The following TP63 variants were observed in gnomAD, a reference collection of about 807,000 sequenced individuals.
TP63 encodes the protein tumor protein p63, also known as tumor protein 63.
In TP63, 17 loss-of-function variants were observed where a neutral mutation model predicts 82.8. The ratio of observed to expected loss-of-function variants is 0.21; its 90% CI spans 0.14 to 0.31. The LOEUF (loss-of-function observed/expected upper bound fraction) is 0.31. TP63 is among the 10% of genes least tolerant of loss of function. The probability of loss-of-function intolerance (pLI) is 1.00; values close to 1 mark genes in which losing one functional copy is unlikely to be tolerated. For synonymous variants in TP63, 330 were observed against 321.7 expected (o/e 1.03, Z -0.28); for missense variants, 648 against 895.3 (o/e 0.72, Z 3.52).
chr3:189,678,161 A>G (rs1455433248), intron 1 of TP63, among the ~76,000 whole-genome samples: 1 of 151,844 alleles, frequency 6.6e-6, no homozygotes, highest in Non-Finnish European at 1.5e-5. Context: ...GTCATAAATT[A>G]TTTGTCAAGG....
chr3:189,597,069 C>A, the TP63 span, among the ~76,000 whole-genome samples: 2 of 152,128 alleles, frequency 1.3e-5, no homozygotes, highest in Non-Finnish European at 2.9e-5. Context: ...AAACTCCAGA[C>A]GCGCCACCTT....
chr3:189,885,185 T>C (rs1325995876), intron 10 of TP63, among the ~76,000 whole-genome samples: 1 of 152,230 alleles, frequency 6.6e-6, no homozygotes, highest in Non-Finnish European at 1.5e-5. Flanking sequence ...CATAACAGAC[T>C]AGACACTTGC....
At chr3:189,892,842 A>G (rs909242371) in intron 13 of TP63, among the ~76,000 whole-genome samples, 2 of 152,232 alleles carry the variant, frequency 1.3e-5, no homozygotes, top group African/African-American at 4.8e-5. Flanking sequence ...TACCTTCTTT[A>G]TAAGGTATTC....
the TP63 span, among the ~76,000 whole-genome samples, chr3:189,620,685 C>T: frequency 1.3e-5 from 2 of 152,174 alleles, no homozygotes; most frequent in Admixed American, 6.5e-5. Context: ...GCTGCCAGCA[C>T]GGGCCTTGTT....
chr3:189,755,143 G>A (rs986569483), intron 3 of TP63, among the ~76,000 whole-genome samples: 4 of 152,216 alleles, frequency 2.6e-5, no homozygotes, highest in Middle Eastern at 3.4e-3. Flanking sequence ...TCAGAGAATT[G>A]TGGTGATACC....
chr3:189,712,203 G>A (rs964182106), intron 1 of TP63, among the ~76,000 whole-genome samples: 3 of 152,244 alleles, frequency 2.0e-5, no homozygotes, highest in East Asian at 1.9e-4. Flanking sequence ...AAACAGACAC[G>A]TAAACAACTA....
At chr3:189,608,951 G>T in the TP63 span, among the ~76,000 whole-genome samples, 1 of 151,740 alleles carries the variant, frequency 6.6e-6, no homozygotes, top group South Asian at 2.1e-4. Flanking sequence ...TAATGCATGG[G>T]TACAAGTAGT....
At chr3:189,782,235 T>C (rs1267467247) in intron 3 of TP63, among the ~76,000 whole-genome samples, 1 of 152,198 alleles carries the variant, frequency 6.6e-6, no homozygotes, top group African/African-American at 2.4e-5. Context: ...TGATGTGTTA[T>C]GCAGTGAACT....
chr3:189,672,484 C>T (rs1308422609), intron 1 of TP63, among the ~76,000 whole-genome samples: 2 of 151,892 alleles, frequency 1.3e-5, no homozygotes, highest in African/African-American at 2.4e-5. Flanking sequence ...TGACTGTAGT[C>T]CCAGCTACTA....
At chr3:189,619,304 A>G in the TP63 span, among the ~76,000 whole-genome samples, 1 of 152,180 alleles carries the variant, frequency 6.6e-6, no homozygotes, top group African/African-American at 2.4e-5. Flanking sequence ...AGTGTGAGGG[A>G]AGCACTAGCT....
chr3:189,875,589 C>CATAT (rs779050433), intron 10 of TP63, among the ~76,000 whole-genome samples: 632 of 44,244 alleles, frequency 0.014, 7 homozygotes, highest in Non-Finnish European at 0.017. Context: ...AAAAAAAATA[C>CATAT]ATACATATAT....
intron 3 of TP63, among the ~76,000 whole-genome samples, chr3:189,781,306 CTT>C (rs1328031141): frequency 6.6e-6 from 1 of 152,170 alleles, no homozygotes; most frequent in Non-Finnish European, 1.5e-5. Context: ...CTTGGAGTGA[CTT>C]ATCCACCCTC....
intron 10 of TP63, among the ~76,000 whole-genome samples, chr3:189,874,903 C>T (rs1718855526): frequency 6.6e-6 from 1 of 151,496 alleles, no homozygotes; most frequent in African/African-American, 2.4e-5. Context: ...GAAAGTTTGA[C>T]TATACCAAAA....
At chr3:189,609,751 T>C in the TP63 span, among the ~76,000 whole-genome samples, 77 of 152,348 alleles carry the variant, frequency 5.1e-4, no homozygotes, top group East Asian at 2.9e-3. Flanking sequence ...ATGGTGTATA[T>C]GTACCACATT....
chr3:189,650,494 T>C (rs1239907265), intron 1 of TP63, among the ~76,000 whole-genome samples: 1 of 146,280 alleles, frequency 6.8e-6, no homozygotes, highest in Non-Finnish European at 1.5e-5. Context: ...GTTTCCCCCA[T>C]CCTGTTCTCA....
intron 1 of TP63, among the ~76,000 whole-genome samples, chr3:189,732,302 C>A (rs1270745173): frequency 6.6e-6 from 1 of 152,060 alleles, no homozygotes; most frequent in Non-Finnish European, 1.5e-5. Context: ...CCCTTGAAGC[C>A]CTGAGAGGAG....
intron 3 of TP63, among the ~76,000 whole-genome samples, chr3:189,773,210 C>T (rs947085966): frequency 2.7e-4 from 41 of 152,184 alleles, no homozygotes; most frequent in African/African-American, 9.4e-4. Context: ...TTCTACTGTA[C>T]CAAGTAAGGC....
intron 1 of TP63, among the ~76,000 whole-genome samples, chr3:189,727,752 T>A (rs1042016893): frequency 9.2e-5 from 14 of 152,186 alleles, no homozygotes; most frequent in Non-Finnish European, 4.4e-5. Flanking sequence ...AAAACCCTAA[T>A]GTATTCCAAA....
chr3:189,872,839 C>T lies in TP63; in HGVS notation c.1213-20C>T, dbSNP rs1352588675. 2.5e-6 allele frequency: 4 copies of T among 1,614,122 alleles called. No individual in the cohort carries two copies. The highest frequency in any genetic ancestry group is 2.7e-5 in the African/African-American group (2 of 75,054). On this transcript the variant is annotated intron_variant, in intron 9 of 13. Transcript: ENST00000264731. ...TACAGCTTTTCATGTTTCCTTCTTTCCTTCTGCTCACTTCCATAGGTGAGG... is the reference window on the plus strand; with the variant it reads ...TACAGCTTTTCATGTTTCCTTCTTTTCTTCTGCTCACTTCCATAGGTGAGG...
Sources: allele counts gnomAD v4.1 joint callset (sites outside exome capture counted in the v4.1 genomes callset), GRCh38; gene constraint gnomAD v4.1.1; transcripts MANE v1.5; gene names NCBI Gene and HGNC (gene_info 2026-07-23, HGNC 2026-07-21).